Variants in FBXO43 observed in about 807,000 individuals in gnomAD.
FBXO43 encodes the protein F-box only protein 43.
FBXO43 carries 22 observed loss-of-function variants against 56.7 expected under a neutral mutation model. The observed-to-expected ratio is 0.39, with a 90% CI of 0.28 to 0.55. The LOEUF (loss-of-function observed/expected upper bound fraction) is 0.55. Ranked by LOEUF, FBXO43 falls within the 20% of genes least tolerant of loss-of-function variation. The pLI is 0.66. For synonymous variants in FBXO43, 306 were observed against 294.5 expected (o/e 1.04, Z -0.40); for missense variants, 733 against 814.9 (o/e 0.90, Z 1.22).
At position 100,141,053 on chromosome 8, in the gene FBXO43, G is replaced by C; in HGVS notation, c.1201C>G (p.Gln401Glu). 6.2e-7 allele frequency: 1 copy of C among 1,614,210 alleles called. No individual in the cohort carries two copies. Among genetic ancestry groups the C allele is most frequent in the Non-Finnish European group, 8.5e-7 (1 of 1,180,046 alleles). The change falls in exon 2 of 5, where the codon CAG (glutamine) becomes GAG (glutamate). Residue 401 changes from glutamine to glutamate, a missense_variant. Physicochemically the swap from Gln to Glu is conservative, Grantham distance 29. Transcript: ENST00000428847. Reference sequence around the variant, plus strand: ...TTTTCAGAGTCAGGGTGGACAATCTGCTTTTCCTCTTCTGTCTCTGACTGC... The same window carrying C: ...TTTTCAGAGTCAGGGTGGACAATCTCCTTTTCCTCTTCTGTCTCTGACTGC... ...SSQSETEEEKQIVHPDSEKRA... is the reference protein window; with the variant it reads ...SSQSETEEEKEIVHPDSEKRA...
Position 100,133,408 on chromosome 8 carries a change from T to A in FBXO43, c.*394A>T, listed in dbSNP as rs1814369764. On this transcript the variant is annotated 3_prime_UTR_variant, in exon 5 of 5. Transcript: ENST00000428847. The stretch of plus-strand genomic sequence containing the variant: ...ATTTCATTTCAGTCAAGTACTCATT[T>A]TCCAAATCTATAAGGCCATCTGTCT... 1 of 153,172 alleles carries A rather than the reference T, an allele frequency of 6.5e-6. No homozygotes were observed. Among genetic ancestry groups the A allele is most frequent in the Admixed American group, 6.5e-5 (1 of 15,316 alleles). 9.5% of individuals were successfully genotyped at this position (153,172 alleles called of 1,614,324 possible). A position where few individuals can be genotyped will look rare whatever the true frequency, so the allele number is the denominator to read the frequency against.
intron 3 of FBXO43, among the ~76,000 whole-genome samples, chr8:100,135,051 A>G (rs1199817823): frequency 6.6e-6 from 1 of 152,224 alleles, no homozygotes; most frequent in East Asian, 1.9e-4. Context: ...AAAGAGAGAG[A>G]AAAAACTATG....
rs541218256 is a variant in FBXO43, at chr8:100,137,613, T to A, written c.1626A>T (p.Ala542=). The A allele has an allele frequency of 6.2e-7, 1 of 1,613,276 alleles. No homozygotes were observed. The highest frequency in any genetic ancestry group is 1.7e-5 in the Admixed American group (1 of 59,722). ...WREIVVQDKN[A]NRRRKFYITQ... ...TGATATAAAATTTCCTCCTCCGATT[T>A]GCATTTTTATCTTGAACAACAATTT... The change falls in exon 3 of 5, where the codon GCA becomes GCT. Residue 542 remains alanine, a synonymous_variant. Transcript: ENST00000428847.
chr8:100,139,103 C>G (rs893308284), intron 2 of FBXO43, among the ~76,000 whole-genome samples: 1 of 152,064 alleles, frequency 6.6e-6, no homozygotes, highest in Non-Finnish European at 1.5e-5. Flanking sequence ...CATTATAGAC[C>G]TAGATCTATT....
rs750572681 is a variant in FBXO43, at chr8:100,142,029, A to G, written c.225T>C (p.Asp75=). The part of the protein sequence containing the change: ...RDFCSTSSFQ[D]SGYNELKSCS... ...AAGATTTTAACTCATTGTAGCCACT[A>G]TCTTGAAATGAAGATGTGGAACAAA... The change falls in exon 2 of 5, where the codon GAT becomes GAC. Residue 75 remains aspartate, a synonymous_variant. Coordinates refer to ENST00000428847, the MANE Select transcript of FBXO43 (RefSeq NM_001029860.4). 2 of 1,614,014 alleles carry G rather than the reference A, an allele frequency of 1.2e-6. No homozygotes were observed. Among genetic ancestry groups the G allele is most frequent in the South Asian group, 1.1e-5 (1 of 91,040 alleles).
intron 1 of FBXO43, among the ~76,000 whole-genome samples, chr8:100,144,233 T>G (rs918251077): frequency 3.3e-5 from 5 of 151,936 alleles, no homozygotes; most frequent in Admixed American, 3.3e-4. Flanking sequence ...AAAAATCTAT[T>G]CTGGCCGGTG....
At chr8:100,137,457 A>T in intron 3 of FBXO43, 108 bp downstream of exon 3, 1 of 686,894 alleles carries the variant, frequency 1.5e-6, no homozygotes, top group Non-Finnish European at 2.4e-6. Flanking sequence ...AATGTTTGTT[A>T]AATGGAAAAG....
chr8:100,135,116 T>G (rs564205440), intron 3 of FBXO43, among the ~76,000 whole-genome samples: 27 of 152,372 alleles, frequency 1.8e-4, no homozygotes, highest in Admixed American at 1.3e-4. Flanking sequence ...AATCATAGTG[T>G]ACAACATACT....
chr8:100,134,124 T>C (rs1814393082), intron 4 of FBXO43, 37 bp downstream of exon 4: 7 of 1,603,024 alleles, frequency 4.4e-6, no homozygotes, highest in Non-Finnish European at 4.3e-6. Flanking sequence ...TCTGTAAATA[T>C]TTATTTCTAA....
intron 1 of FBXO43, among the ~76,000 whole-genome samples, chr8:100,142,451 C>A (rs1318537895): frequency 6.6e-6 from 1 of 152,034 alleles, no homozygotes. Flanking sequence ...TATTGAGCTA[C>A]CCTAAAGAGA....
At chr8:100,138,817 T>C (rs2132127653) in intron 2 of FBXO43, among the ~76,000 whole-genome samples, 2 of 151,912 alleles carry the variant, frequency 1.3e-5, no homozygotes, top group South Asian at 2.1e-4. Flanking sequence ...GCAGGAGGAT[T>C]GCTAGAGCCT....
chr8:100,141,454 C>G lies in FBXO43; in HGVS notation c.800G>C (p.Ser267Thr), dbSNP rs1050978523. 3.1e-6 allele frequency: 5 copies of G among 1,613,258 alleles called. No individual in the cohort carries two copies. The highest frequency in any genetic ancestry group is 2.7e-5 in the African/African-American group (2 of 74,926). Residue 267 changes from serine to threonine, a missense_variant, in exon 2 of 5, where the codon AGT becomes ACT. Physicochemically the swap from Ser to Thr is moderately conservative, Grantham distance 58. Coordinates refer to ENST00000428847, the MANE Select transcript of FBXO43 (RefSeq NM_001029860.4). ...NFKDSITHDF[S>T]DSSLCINDEN... The stretch of plus-strand genomic sequence containing the variant: ...ATCATTAATGCATAAACTGCTATCA[C>G]TAAAGTCATGTGTGATAGAGTCTTT...
At chr8:100,143,148 T>C (rs1012308039) in intron 1 of FBXO43, among the ~76,000 whole-genome samples, 1 of 152,206 alleles carries the variant, frequency 6.6e-6, no homozygotes, top group African/African-American at 2.4e-5. Flanking sequence ...GCTAACAAAT[T>C]TGTTTTGACA....
chr8:100,148,656 G>A (rs1217096161), upstream of FBXO43, among the ~76,000 whole-genome samples: 2 of 152,144 alleles, frequency 1.3e-5, no homozygotes, highest in African/African-American at 4.8e-5. Context: ...CAAGCAATCT[G>A]CCCGCCTCAG....
chr8:100,141,378 A>G lies in FBXO43; in HGVS notation c.876T>C (p.Cys292=). 1 of 1,613,478 alleles carries G rather than the reference A, an allele frequency of 6.2e-7. No homozygotes were observed. The highest frequency in any genetic ancestry group is 8.5e-7 in the Non-Finnish European group (1 of 1,180,018). The stretch of plus-strand genomic sequence containing the variant: ...TCACAAATATGTCCTCATCTGTTCC[A>G]CAAGTTGTTCCACTAACAGAGGAGC... ...LLGSSVSGTT[C]GTDEDIFVTP... Residue 292 remains cysteine, a synonymous_variant, in exon 2 of 5, where the codon TGT becomes TGC. Coordinates refer to ENST00000428847, the MANE Select transcript of FBXO43 (RefSeq NM_001029860.4).
At chr8:100,137,389 A>C in intron 3 of FBXO43, 176 bp downstream of exon 3, 1 of 534,802 alleles carries the variant, frequency 1.9e-6, no homozygotes, top group Non-Finnish European at 3.3e-6. Context: ...TATGTTGTTT[A>C]TTCCATTTAC....
In FBXO43 at chr8:100,145,217, G is replaced by C; in HGVS notation, c.-82C>G. The C allele has an allele frequency of 8.4e-7, 1 of 1,190,002 alleles. No homozygotes were observed. Among genetic ancestry groups the C allele is most frequent in the East Asian group, 2.5e-5 (1 of 39,682 alleles). The allele number at this position is 1,190,002 out of a possible 1,614,324, so 73.7% of individuals were successfully genotyped here. A position where few individuals can be genotyped will look rare whatever the true frequency, so the allele number is the denominator to read the frequency against. On this transcript the variant is annotated 5_prime_UTR_variant, in exon 1 of 5. Transcript: ENST00000428847. ...TGCAGCAGCATCATGATTGCTCAAA[G>C]TCGAAGGGTACACAGGGTGCATGCC...
At chr8:100,148,645 T>G (rs1384780567), upstream of FBXO43, among the ~76,000 whole-genome samples, 5 of 152,214 alleles carry the variant, frequency 3.3e-5, no homozygotes, top group Non-Finnish European at 7.3e-5. Flanking sequence ...ACTCCTGACC[T>G]CAAGCAATCT....
chr8:100,144,795 G>C (rs534251960), intron 1 of FBXO43, among the ~76,000 whole-genome samples: 1 of 151,738 alleles, frequency 6.6e-6, no homozygotes, highest in East Asian at 1.9e-4. Flanking sequence ...ATCCGGGCGT[G>C]GTGGCGGGCG....
Sources: allele counts gnomAD v4.1 joint callset (sites outside exome capture counted in the v4.1 genomes callset), GRCh38; gene constraint gnomAD v4.1.1; transcripts MANE v1.5; gene names NCBI Gene and HGNC (gene_info 2026-07-23, HGNC 2026-07-21).